The following SPIRE1 variants were observed in gnomAD, a reference collection of about 807,000 sequenced individuals.
SPIRE1 encodes protein spire homolog 1.
SPIRE1 carries 40 observed loss-of-function variants against 94.1 expected under a neutral mutation model. The observed-to-expected ratio is 0.43, with a 90% confidence interval of 0.33 to 0.55. The LOEUF (loss-of-function observed/expected upper bound fraction) is 0.55. Among genes scored for constraint, SPIRE1 ranks in the 20% least tolerant of loss-of-function variants. The probability of loss-of-function intolerance (pLI) is 0.06; values close to 1 mark genes in which losing one functional copy is unlikely to be tolerated. For synonymous variants in SPIRE1, 376 were observed against 371.7 expected, an observed-to-expected ratio of 1.01 and a Z score of -0.13; for missense variants, 838 against 975.2, an observed-to-expected ratio of 0.86 and a Z score of 1.87.
chr18:12,626,712 G>A (rs553984235), intron 2 of SPIRE1, among the ~76,000 whole-genome samples: 44 of 151,768 alleles, frequency 2.9e-4, no homozygotes, highest in East Asian at 3.9e-4. Context: ...AAGTGGTTCC[G>A]CAACTTTCTG....
At chr18:12,586,349 T>C (rs28575715) in intron 2 of SPIRE1, among the ~76,000 whole-genome samples, 12,658 of 152,306 alleles carry the variant, frequency 0.083, 650 homozygotes, top group Middle Eastern at 0.16. Flanking sequence ...AGTCTAAAAC[T>C]GTTACTGCCA....
At position 12,449,371 on chromosome 18, in the gene SPIRE1, T is replaced by A; in HGVS notation, c.*267A>T. ...AGAACTGAACTAAGGAAGTAGCTAC[T>A]GGCTTCCAAAGCCACACACACACAA... On this transcript the variant is annotated 3_prime_UTR_variant, in exon 17 of 17. Transcript: ENST00000409402. The A allele has an allele frequency of 2.2e-6, 1 of 453,358 alleles. No homozygotes were observed. Among genetic ancestry groups the A allele is most frequent in the Non-Finnish European group, 4.0e-6 (1 of 249,720 alleles). The allele number at this position is 453,358 out of a possible 1,614,324, so 28.1% of individuals were successfully genotyped here.
chr18:12,482,426 A>G (rs941706425), intron 9 of SPIRE1, among the ~76,000 whole-genome samples: 1 of 152,130 alleles, frequency 6.6e-6, no homozygotes, highest in Non-Finnish European at 1.5e-5. Context: ...TACAGGCATG[A>G]GACACCGCAC....
intron 5 of SPIRE1, among the ~76,000 whole-genome samples, chr18:12,508,760 T>C (rs1038069273): frequency 1.3e-5 from 2 of 151,870 alleles, no homozygotes; most frequent in African/African-American, 2.4e-5. Context: ...CTGCAATTTC[T>C]GCCTCCCGGG....
chr18:12,518,964 T>G (rs1325413054), intron 4 of SPIRE1, among the ~76,000 whole-genome samples: 1 of 152,200 alleles, frequency 6.6e-6, no homozygotes, highest in Admixed American at 6.5e-5. Flanking sequence ...TTATAGCAGT[T>G]GTTCTGATAA....
chr18:12,561,472 G>A (rs1303861295), intron 2 of SPIRE1, among the ~76,000 whole-genome samples: 1 of 151,932 alleles, frequency 6.6e-6, no homozygotes, highest in Non-Finnish European at 1.5e-5. Context: ...CTCCATGTTG[G>A]TCAGGCTGGT....
At chr18:12,526,537 C>T (rs58638386) in intron 4 of SPIRE1, among the ~76,000 whole-genome samples, 4 of 151,950 alleles carry the variant, frequency 2.6e-5, no homozygotes, top group Non-Finnish European at 5.9e-5. Context: ...ACCATCGTAC[C>T]GACAGTGAGA....
chr18:12,534,372 A>T (rs943146114), intron 4 of SPIRE1, among the ~76,000 whole-genome samples: 2 of 152,234 alleles, frequency 1.3e-5, no homozygotes, highest in Non-Finnish European at 2.9e-5. Flanking sequence ...TAGTTGTAAA[A>T]GAAATGATAC....
chr18:12,606,827 G>A (rs1024507705), intron 2 of SPIRE1, among the ~76,000 whole-genome samples: 1 of 152,050 alleles, frequency 6.6e-6, no homozygotes, highest in Non-Finnish European at 1.5e-5. Flanking sequence ...CATCGCACGG[G>A]GCCAGATTTT....
intron 2 of SPIRE1, among the ~76,000 whole-genome samples, chr18:12,624,953 C>T (rs2037579184): frequency 6.6e-6 from 1 of 150,952 alleles, no homozygotes; most frequent in African/African-American, 2.4e-5. Context: ...TTCAAAGGAA[C>T]ACTACTTGTA....
At chr18:12,543,951 A>G (rs2035081170) in intron 3 of SPIRE1, among the ~76,000 whole-genome samples, 1 of 152,322 alleles carries the variant, frequency 6.6e-6, no homozygotes, top group East Asian at 1.9e-4. Context: ...CATGGGTTTT[A>G]TAATACTTTA....
chr18:12,608,295 A>G (rs2037045149), intron 2 of SPIRE1, among the ~76,000 whole-genome samples: 1 of 152,088 alleles, frequency 6.6e-6, no homozygotes, highest in African/African-American at 2.4e-5. Context: ...TTCAGATCAT[A>G]TTCTTTGCAC....
chr18:12,567,650 G>C (rs759816418), intron 2 of SPIRE1, among the ~76,000 whole-genome samples: 6 of 152,080 alleles, frequency 3.9e-5, no homozygotes, highest in Non-Finnish European at 7.4e-5. Context: ...AAAGCCCTAA[G>C]TCCTTTGGGG....
intron 2 of SPIRE1, among the ~76,000 whole-genome samples, chr18:12,556,296 T>C (rs1418163481): frequency 1.3e-5 from 2 of 150,708 alleles, no homozygotes; most frequent in African/African-American, 2.4e-5. Context: ...TTCATAGAAA[T>C]AGAAAAAAAA....
chr18:12,653,995 T>C (rs2038454611), intron 1 of SPIRE1, among the ~76,000 whole-genome samples: 1 of 149,774 alleles, frequency 6.7e-6, no homozygotes, highest in African/African-American at 2.5e-5. Context: ...TGTGAAAACA[T>C]AAACGTTGCA....
intron 3 of SPIRE1, among the ~76,000 whole-genome samples, chr18:12,540,365 C>T (rs926546301): frequency 6.6e-6 from 1 of 152,092 alleles, no homozygotes; most frequent in Admixed American, 6.6e-5. Flanking sequence ...GAACTACCCC[C>T]CTCTAATTTC....
At chr18:12,522,168 A>T (rs2034382961) in intron 4 of SPIRE1, among the ~76,000 whole-genome samples, 1 of 152,252 alleles carries the variant, frequency 6.6e-6, no homozygotes, top group Admixed American at 6.5e-5. Context: ...GCAAAGGACA[A>T]GCTCTTAAAG....
intron 2 of SPIRE1, among the ~76,000 whole-genome samples, chr18:12,600,998 A>G (rs2036818597): frequency 6.6e-6 from 1 of 152,164 alleles, no homozygotes. Context: ...CTGAGGTTAC[A>G]GGCATGAGCC....
Position 12,548,664 on chromosome 18 carries a change from T to C in SPIRE1, c.373-1760A>G, listed in dbSNP as rs900667774. On this transcript the variant is annotated intron_variant, in intron 2 of 16. Transcript: ENST00000409402. ...TCTCACTCTGTCACCCGGGCTGGAG[T>C]GCAGTGGTACAATTACGGCTCACTG... is the stretch of plus-strand genomic sequence containing the variant. 3.6e-4 allele frequency among the ~76,000 whole-genome samples: 55 copies of C among 150,918 alleles called. 2 individuals are homozygous for C. The highest frequency in any genetic ancestry group is 2.0e-4 in the Admixed American group (3 of 15,014).
Sources: gnomAD v4.1 joint callset for allele counts (sites outside exome capture counted in the v4.1 genomes callset) on GRCh38, gnomAD v4.1.1 for gene constraint, MANE v1.5 for transcripts, NCBI Gene and HGNC (gene_info 2026-07-23, HGNC 2026-07-21) for gene names.